PCDHGB2: variants seen among roughly 807,000 people sequenced by gnomAD.
The protein encoded by PCDHGB2 is protocadherin gamma subfamily B, 2.
In PCDHGB2, 55 loss-of-function variants were observed where a neutral mutation model predicts 59.3. The observed-to-expected ratio is 0.93, with a 90% confidence interval of 0.75 to 1.16. The LOEUF (loss-of-function observed/expected upper bound fraction) is 1.16. Ranked by LOEUF, PCDHGB2 falls within the 50% of genes most tolerant of loss-of-function variation. The pLI is 0.00. For synonymous variants in PCDHGB2, 516 were observed against 512.0 expected (o/e 1.01, Z -0.11); for missense variants, 1,228 against 1,198.5 (o/e 1.02, Z -0.36).
At chr5:141,428,290 C>A in intron 1 of PCDHGB2, 1 of 726,802 alleles carries the variant, frequency 1.4e-6, no homozygotes, top group Non-Finnish European at 2.4e-6. Context: ...CCAAGCAAAG[C>A]TGCAGATTTA....
At chr5:141,427,984 C>A (rs754620535) in intron 1 of PCDHGB2, 6 of 1,597,376 alleles carry the variant, frequency 3.8e-6, no homozygotes, top group Non-Finnish European at 4.3e-6. Flanking sequence ...GCGCTGGGGC[C>A]CGATGGCTCC....
rs530194567 is a variant in PCDHGB2, at chr5:141,417,884, C to G, written c.2421+55328C>G. On this transcript the variant is annotated intron_variant, in intron 1 of 3. Transcript: ENST00000522605. ...GATGGGAGGGAGCTGCGCGCAGAGG[C>G]GCCGGGCCGGCCCGCGGCAGGTACT... 2.1e-4 allele frequency: 327 copies of G among 1,561,600 alleles called. No individual in the cohort carries two copies. In the South Asian group the frequency reaches 3.4e-3, roughly 16 times the overall value.
At chr5:141,397,961 G>A in intron 1 of PCDHGB2, 1 of 1,038,400 alleles carries the variant, frequency 9.6e-7, no homozygotes, top group Non-Finnish European at 1.4e-6. Context: ...CCCCAGCTCA[G>A]ACTCCCCAGC....
chr5:141,458,575 G>A (rs1337776166), intron 1 of PCDHGB2, among the ~76,000 whole-genome samples: 1 of 151,346 alleles, frequency 6.6e-6, no homozygotes, highest in Non-Finnish European at 1.5e-5. Context: ...GTTTTTGTTT[G>A]TTTGTTTGTT....
intron 1 of PCDHGB2, among the ~76,000 whole-genome samples, chr5:141,445,961 G>T (rs944876169): frequency 1.3e-5 from 2 of 152,158 alleles, no homozygotes; most frequent in Non-Finnish European, 2.9e-5. Context: ...GCTATATGGA[G>T]AATTGATTTA....
chr5:141,383,730 G>T (rs781549329), intron 1 of PCDHGB2: 2 of 1,613,866 alleles, frequency 1.2e-6, no homozygotes, highest in Admixed American at 3.3e-5. Context: ...ATGGGGAAGT[G>T]ACATATTCTT....
chr5:141,487,485 G>A lies in PCDHGB2; in HGVS notation c.2422-7322G>A. On this transcript the variant is annotated intron_variant, in intron 1 of 3. Transcript: ENST00000522605. The surrounding 1 kb of genome is among the most constrained non-coding windows in gnomAD (Gnocchi z 5.0). ...GTTGATGTGGGAGGCCACTCTCATG[G>A]CTGTACACCCTTGGCTTCTGCACCC... The A allele has an allele frequency of 6.2e-7, 1 of 1,614,164 alleles. No homozygotes were observed. Among genetic ancestry groups the A allele is most frequent in the Non-Finnish European group, 8.5e-7 (1 of 1,180,030 alleles).
chr5:141,361,999 C>A lies in PCDHGB2; in HGVS notation c.1864C>A (p.Arg622Ser). Reference protein sequence around the residue: ...SEPGLFSLGLRTGEVRTARAL... With the variant: ...SEPGLFSLGLSTGEVRTARAL... Reference sequence around the variant, plus strand: ...GCCCGGGCTCTTCAGCCTGGGGTTGCGCACGGGTGAGGTGCGCACAGCGCG... The same window carrying A: ...GCCCGGGCTCTTCAGCCTGGGGTTGAGCACGGGTGAGGTGCGCACAGCGCG... The change falls in exon 1 of 4, where the codon CGC (arginine) becomes AGC (serine). Residue 622 changes from arginine to serine, a missense_variant. Transcript: ENST00000522605. The A allele has an allele frequency of 5.6e-6, 9 of 1,603,024 alleles. No homozygotes were observed. The highest frequency in any genetic ancestry group is 5.9e-6 in the Non-Finnish European group (7 of 1,177,298).
At chr5:141,415,653 G>T in intron 1 of PCDHGB2, 1 of 1,539,362 alleles carries the variant, frequency 6.5e-7, no homozygotes, top group Non-Finnish European at 8.8e-7. Context: ...AAAAAAAAAA[G>T]ATTGGTTTTT....
chr5:141,392,801 C>A, intron 1 of PCDHGB2: 1 of 1,570,660 alleles, frequency 6.4e-7, no homozygotes, highest in Admixed American at 1.9e-5. Flanking sequence ...GAGGATTCTG[C>A]AGCAAAACAA....
At position 141,489,985 on chromosome 5, in the gene PCDHGB2, G is replaced by C. The variant is rs761481986; in HGVS notation, c.2422-4822G>C. ...AACCTTCCAATCCTCAGTTCTACGT[G>C]TGGGAATCCCAGAGAATGCACCCAT... On this transcript the variant is annotated intron_variant, in intron 1 of 3. Coordinates refer to ENST00000522605, the MANE Select transcript of PCDHGB2 (RefSeq NM_018923.3). This position sits in a 1 kb window ranked among gnomAD's most constrained non-coding sequence, Gnocchi z 4.5. 3 of 1,614,212 alleles carry C rather than the reference G, an allele frequency of 1.9e-6. No individual in the cohort carries two copies. The East Asian group carries it at 6.7e-5, about 36-fold the overall frequency.
Position 141,429,441 on chromosome 5 carries a change from T to C in PCDHGB2, c.2422-65366T>C, listed in dbSNP as rs541676798. On this transcript the variant is annotated intron_variant, in intron 1 of 3. Transcript: ENST00000522605. ...TGTTGCCCAGGCTGGACTCAAACTCTTGGGCTACAGTAATCCTCCCACCTC... is the reference window on the plus strand; with the variant it reads ...TGTTGCCCAGGCTGGACTCAAACTCCTGGGCTACAGTAATCCTCCCACCTC... 1.5e-4 allele frequency among the ~76,000 whole-genome samples: 23 copies of C among 152,170 alleles called. No individual in the cohort carries two copies. The South Asian group carries it at 4.6e-3, about 30-fold the overall frequency.
intron 1 of PCDHGB2, chr5:141,414,799 G>T (rs1177065576): frequency 1.9e-6 from 3 of 1,614,096 alleles, no homozygotes; most frequent in Non-Finnish European, 2.5e-6. Flanking sequence ...CAGCGACAGC[G>T]GGGATCCTCC....
intron 1 of PCDHGB2, chr5:141,429,222 T>C (rs897099159): frequency 6.6e-6 from 1 of 151,494 alleles, no homozygotes; most frequent in Non-Finnish European, 1.5e-5. Context: ...AAAGTGGGTA[T>C]TATGATACTG....
intron 1 of PCDHGB2, chr5:141,403,207 C>G: frequency 6.2e-7 from 1 of 1,613,966 alleles, no homozygotes. Context: ...GCACCTTGGT[C>G]ACCGCGGGTA....
intron 3 of PCDHGB2, among the ~76,000 whole-genome samples, chr5:141,507,898 C>T (rs577177417): frequency 1.3e-5 from 2 of 152,310 alleles, no homozygotes; most frequent in East Asian, 1.9e-4. Flanking sequence ...TTCCTGAAGT[C>T]CAGCCCAGCC....
chr5:141,384,614 C>T, intron 1 of PCDHGB2: 1 of 1,614,222 alleles, frequency 6.2e-7, no homozygotes, highest in Non-Finnish European at 8.5e-7. Context: ...ACAGATGGTT[C>T]TACTGGCATG....
intron 1 of PCDHGB2, chr5:141,414,158 G>A (rs1167529832): frequency 6.2e-7 from 1 of 1,602,572 alleles, no homozygotes; most frequent in Non-Finnish European, 8.5e-7. Flanking sequence ...GCAGAAGATG[G>A]AGGAGCATAT....
chr5:141,501,508 C>A (rs1378333182), intron 2 of PCDHGB2, among the ~76,000 whole-genome samples: 1 of 151,960 alleles, frequency 6.6e-6, no homozygotes, highest in Non-Finnish European at 1.5e-5. Flanking sequence ...GGCTCCAAGG[C>A]CTCCAAGCTG....
Sources: gnomAD v4.1 joint callset for allele counts (sites outside exome capture counted in the v4.1 genomes callset) on GRCh38, gnomAD v4.1.1 for gene constraint, Gnocchi (gnomAD v3.1) non-coding constraint, MANE v1.5 for transcripts, NCBI Gene and HGNC (gene_info 2026-07-23, HGNC 2026-07-21) for gene names.